Variants in SCARB1 observed in about 807,000 individuals in gnomAD.
SCARB1 encodes the protein scavenger receptor class B member 1.
A neutral mutation model predicts 57.2 loss-of-function variants in SCARB1; 30 were observed. That is an observed-to-expected ratio of 0.52 (90% CI 0.39 to 0.71). SCARB1 has a LOEUF of 0.71. SCARB1 is among the 30% of genes least tolerant of loss of function. SCARB1 has a pLI of 0.00. For synonymous variants in SCARB1, 249 were observed against 268.3 expected, an observed-to-expected ratio of 0.93 and a Z score of 0.70; for missense variants, 543 against 671.2, an observed-to-expected ratio of 0.81 and a Z score of 2.11.
At chr12:124,815,204 G>GCA in intron 2 of SCARB1, 90 bp from the exon 3 acceptor site, 1 of 1,489,976 alleles carries the variant, frequency 6.7e-7, no homozygotes, top group Non-Finnish European at 9.2e-7. Context: ...TGGGAACCAG[G>GCA]GGCCCTGGAC....
At chr12:124,790,127 C>A (rs552300220) in intron 9 of SCARB1, among the ~76,000 whole-genome samples, 8 of 152,176 alleles carry the variant, frequency 5.3e-5, no homozygotes, top group Non-Finnish European at 1.5e-5. Flanking sequence ...GTAATCCCAG[C>A]ACTTTGGGAG....
intron 5 of SCARB1, 68 bp downstream of exon 5, chr12:124,811,802 G>T: frequency 1.9e-6 from 2 of 1,080,770 alleles, no homozygotes; most frequent in South Asian, 1.3e-5. Context: ...TGCCACTCCC[G>T]AGCAGCCATG....
intron 1 of SCARB1, among the ~76,000 whole-genome samples, chr12:124,818,090 T>C (rs988801415): frequency 1.3e-5 from 2 of 152,108 alleles, no homozygotes; most frequent in African/African-American, 4.8e-5. Flanking sequence ...AGGGGGATCA[T>C]TCATTCATTC....
chr12:124,800,358 A>T lies in SCARB1; in HGVS notation c.1010-116T>A. 1.4e-6 allele frequency: 1 copy of T among 725,770 alleles called. No individual in the cohort carries two copies. Among genetic ancestry groups the T allele is most frequent in the Admixed American group, 2.2e-5 (1 of 45,504 alleles). 45.0% of individuals were successfully genotyped at this position (725,770 alleles called of 1,614,324 possible). ...AGGGCACCCCCGTGGCGATGACAAG[A>T]TAACCAGACAGAGAGGATCCCTTCC... On this transcript the variant is annotated intron_variant, in intron 7 of 12. Coordinates refer to ENST00000261693, the MANE Select transcript of SCARB1 (RefSeq NM_005505.5). The surrounding 1 kb of genome is among the most constrained non-coding windows in gnomAD (Gnocchi z 4.8).
chr12:124,859,254 A>C (rs1393164724), intron 1 of SCARB1, among the ~76,000 whole-genome samples: 2 of 149,984 alleles, frequency 1.3e-5, no homozygotes, highest in Non-Finnish European at 3.0e-5. Context: ...ATGGCCGGGC[A>C]TGGTGGCTCA....
chr12:124,840,719 C>T lies in SCARB1; in HGVS notation c.126+22876G>A, dbSNP rs186270572. Among the ~76,000 whole-genome samples, 51 of 152,236 alleles carry T rather than the reference C, an allele frequency of 3.4e-4. No homozygotes were observed. The Middle Eastern group carries it at 0.017, about 51-fold the overall frequency. ...CTCGCACCCCAGTCCACTGACCTAT[C>T]TTGTTGACTCTCCCTGAAAAAAAAC... On this transcript the variant is annotated intron_variant, in intron 1 of 12. Coordinates refer to ENST00000261693, the MANE Select transcript of SCARB1 (RefSeq NM_005505.5).
In SCARB1 at chr12:124,777,624, G is replaced by C. The variant is rs1331502367; in HGVS notation, c.*963C>G. On this transcript the variant is annotated 3_prime_UTR_variant, in exon 13 of 13. Coordinates refer to ENST00000261693, the MANE Select transcript of SCARB1 (RefSeq NM_005505.5). Reference sequence around the variant, plus strand: ...AGCAAACAAGGCTGTCACAGAGGCAGGCATCCCATTTTTTTAAACGTTTAT... The same window carrying C: ...AGCAAACAAGGCTGTCACAGAGGCACGCATCCCATTTTTTTAAACGTTTAT... 6.6e-6 allele frequency: 1 copy of C among 152,220 alleles called. No individual in the cohort carries two copies. The highest frequency in any genetic ancestry group is 1.5e-5 in the Non-Finnish European group (1 of 68,044). The allele number at this position is 152,220 out of a possible 1,614,324, so 9.4% of individuals were successfully genotyped here.
intron 1 of SCARB1, among the ~76,000 whole-genome samples, chr12:124,859,090 C>T (rs1272175286): frequency 2.0e-5 from 3 of 152,104 alleles, no homozygotes; most frequent in African/African-American, 7.2e-5. Context: ...CACTATGTTG[C>T]CCACGCTAGT....
intron 1 of SCARB1, among the ~76,000 whole-genome samples, chr12:124,819,517 GC>G (rs1469661184): frequency 6.6e-6 from 1 of 152,018 alleles, no homozygotes; most frequent in African/African-American, 2.4e-5. Flanking sequence ...ATAATTCGCT[GC>G]CCCAGTGTCA....
chr12:124,819,727 A>C (rs1020228709), intron 1 of SCARB1, among the ~76,000 whole-genome samples: 6 of 152,266 alleles, frequency 3.9e-5, no homozygotes, highest in Non-Finnish European at 5.9e-5. Flanking sequence ...AAGGACAGCC[A>C]GAACCAACAG....
intron 7 of SCARB1, among the ~76,000 whole-genome samples, chr12:124,802,624 G>A (rs1185780988): frequency 1.3e-5 from 2 of 152,182 alleles, no homozygotes; most frequent in Non-Finnish European, 2.9e-5. Context: ...AGCCTGCATG[G>A]ACCCACGCAC....
intron 9 of SCARB1, 68 bp from the exon 10 acceptor site, chr12:124,787,525 G>T: frequency 1.5e-6 from 2 of 1,360,932 alleles, no homozygotes; most frequent in South Asian, 2.4e-5. Flanking sequence ...AATTCTGCTT[G>T]AATACAACAT....
intron 1 of SCARB1, among the ~76,000 whole-genome samples, chr12:124,859,458 G>A (rs1389456201): frequency 1.3e-5 from 2 of 152,078 alleles, no homozygotes; most frequent in South Asian, 2.1e-4. Context: ...GTGAACCCAG[G>A]AGGCAGAGGC....
intron 1 of SCARB1, 101 bp downstream of exon 1, chr12:124,863,494 C>G: frequency 7.5e-7 from 1 of 1,336,140 alleles, no homozygotes; most frequent in Non-Finnish European, 1.0e-6. Flanking sequence ...GCGCCGATTC[C>G]GCTGCGGTCG....
chr12:124,850,695 A>G (rs929268059), intron 1 of SCARB1, among the ~76,000 whole-genome samples: 1 of 152,222 alleles, frequency 6.6e-6, no homozygotes, highest in Non-Finnish European at 1.5e-5. Flanking sequence ...AGTAAATATA[A>G]GTAAATACAT....
At chr12:124,797,501 G>A (rs781251810) in intron 8 of SCARB1, among the ~76,000 whole-genome samples, 1 of 152,160 alleles carries the variant, frequency 6.6e-6, no homozygotes, top group Admixed American at 6.5e-5. Context: ...TCCTCTCCCC[G>A]TCGGCCTCAA....
chr12:124,799,219 T>C (rs562102439), intron 8 of SCARB1, among the ~76,000 whole-genome samples: 1 of 152,266 alleles, frequency 6.6e-6, no homozygotes, highest in South Asian at 2.1e-4. Context: ...CAGCTTTTCT[T>C]CTTCAATTTA....
intron 1 of SCARB1, among the ~76,000 whole-genome samples, chr12:124,818,182 G>A (rs926383633): frequency 1.4e-4 from 21 of 152,170 alleles, no homozygotes; most frequent in African/African-American, 4.6e-4. Flanking sequence ...CAGACCAAAA[G>A]CCCAGCTATG....
Position 124,810,239 on chromosome 12 carries a change from C to T in SCARB1, c.777G>A (p.Gly259=). 6.2e-7 allele frequency: 1 copy of T among 1,614,136 alleles called. No individual in the cohort carries two copies. The highest frequency in any genetic ancestry group is 8.5e-7 in the Non-Finnish European group (1 of 1,179,974). Residue 259 remains glycine, a synonymous_variant, in exon 6 of 13, where the codon GGG becomes GGA. Coordinates refer to ENST00000261693, the MANE Select transcript of SCARB1 (RefSeq NM_005505.5). This position sits in a 1 kb window ranked among gnomAD's most constrained non-coding sequence, Gnocchi z 4.0. ...GAGTCATGAAGGGCGGCCACATTTG[C>T]CCAGAAGTTCCATTGATCATGTTGC... ...DQCNMINGTS[G]QMWPPFMTPE... is the part of the protein sequence containing the mutation.
Sources: allele counts gnomAD v4.1 joint callset (sites outside exome capture counted in the v4.1 genomes callset), GRCh38; gene constraint gnomAD v4.1.1; non-coding constraint Gnocchi (gnomAD v3.1); transcripts MANE v1.5; gene names NCBI Gene and HGNC (gene_info 2026-07-23, HGNC 2026-07-21).